The following DSCAM variants were observed in gnomAD, a reference collection of about 807,000 sequenced individuals.
DSCAM encodes DS cell adhesion molecule.
A neutral mutation model predicts 217.7 loss-of-function variants in DSCAM; 47 were observed. That is an observed-to-expected ratio of 0.22 (90% CI 0.17 to 0.28). DSCAM has a LOEUF of 0.28. Among genes scored for constraint, DSCAM ranks in the 10% least tolerant of loss-of-function variants. The pLI is 1.00. For missense variants in DSCAM, 2,080 were observed against 2,618.3 expected (o/e 0.79, Z 4.49); for synonymous variants, 1,056 against 1,015.3 (o/e 1.04, Z -0.76).
intron 3 of DSCAM, among the ~76,000 whole-genome samples, chr21:40,504,076 A>G (rs569083058): frequency 6.6e-6 from 1 of 152,336 alleles, no homozygotes; most frequent in Admixed American, 6.5e-5. Context: ...ATGGGACACA[A>G]TATCTCACCG....
chr21:40,612,880 T>C (rs2089334789), intron 3 of DSCAM, among the ~76,000 whole-genome samples: 1 of 152,174 alleles, frequency 6.6e-6, no homozygotes, highest in Non-Finnish European at 1.5e-5. Context: ...GGGGAGATTG[T>C]TGTTTTCTCC....
At chr21:40,226,105 T>A (rs184449623) in intron 11 of DSCAM, among the ~76,000 whole-genome samples, 2 of 152,186 alleles carry the variant, frequency 1.3e-5, no homozygotes, top group Non-Finnish European at 2.9e-5. Context: ...TGTTGTACAA[T>A]TGGAGAAACT....
chr21:40,504,180 G>A (rs1389322482), intron 3 of DSCAM, among the ~76,000 whole-genome samples: 1 of 152,162 alleles, frequency 6.6e-6, no homozygotes, highest in Non-Finnish European at 1.5e-5. Flanking sequence ...GGAAAGAAGA[G>A]GGGAGGAGAA....
rs757926236 is a variant in DSCAM, at chr21:40,677,312, T to TG, written c.508+15497dup. Among the ~76,000 whole-genome samples the TG allele has an allele frequency of 2.6e-5, 4 of 151,758 alleles. 1 individual carries two copies. The highest frequency in any genetic ancestry group is 5.9e-5 in the Non-Finnish European group (4 of 67,902). ...GAAGGTTTCAAAATGCAATTTAGGT[T>TG]GAAAAAAAGGAAGACACGATCCAAC... On this transcript the variant is annotated intron_variant, in intron 3 of 32. Coordinates refer to ENST00000400454, the MANE Select transcript of DSCAM (RefSeq NM_001389.5).
intron 3 of DSCAM, among the ~76,000 whole-genome samples, chr21:40,553,602 AT>A (rs2076647357): frequency 6.6e-6 from 1 of 152,128 alleles, no homozygotes; most frequent in Non-Finnish European, 1.5e-5. Context: ...TATACCTTTA[AT>A]TTTTTAACCA....
chr21:40,371,205 G>C (rs2074894696), intron 3 of DSCAM, among the ~76,000 whole-genome samples: 1 of 152,076 alleles, frequency 6.6e-6, no homozygotes, highest in African/African-American at 2.4e-5. Flanking sequence ...TCCTAATGCT[G>C]TATATTCCAG....
At chr21:40,745,190 A>G (rs906461770) in intron 1 of DSCAM, among the ~76,000 whole-genome samples, 3 of 152,138 alleles carry the variant, frequency 2.0e-5, no homozygotes, top group African/African-American at 7.2e-5. Flanking sequence ...CCTCTATATA[A>G]TAGTAGTTCC....
At chr21:40,763,077 T>C (rs1194004226) in intron 1 of DSCAM, among the ~76,000 whole-genome samples, 1 of 152,132 alleles carries the variant, frequency 6.6e-6, no homozygotes, top group Non-Finnish European at 1.5e-5. Context: ...AACATAGCAT[T>C]GGAAGTTCTG....
rs138728015 is a variant in DSCAM at position 40,632,826 on chromosome 21, T to C, written c.508+59984A>G. Reference sequence around the variant, plus strand: ...GCCCAGCGCCACTGGAATGGAAAGATGGACGTGACCATGTGCGAATCCCTT... The same window carrying C: ...GCCCAGCGCCACTGGAATGGAAAGACGGACGTGACCATGTGCGAATCCCTT... On this transcript the variant is annotated intron_variant, in intron 3 of 32. Transcript: ENST00000400454. Among the ~76,000 whole-genome samples the C allele has an allele frequency of 2.2e-4, 33 of 152,332 alleles. No homozygotes were observed. In the East Asian group the frequency reaches 5.8e-3, roughly 27 times the overall value.
chr21:40,627,217 G>A (rs1297339953), intron 3 of DSCAM, among the ~76,000 whole-genome samples: 1 of 152,172 alleles, frequency 6.6e-6, no homozygotes, highest in Non-Finnish European at 1.5e-5. Context: ...GCAAATAGAA[G>A]TGAATGCAAA....
chr21:40,402,305 G>A (rs1040599542), intron 3 of DSCAM, among the ~76,000 whole-genome samples: 1 of 137,966 alleles, frequency 7.2e-6, no homozygotes, highest in African/African-American at 2.6e-5. Flanking sequence ...TCCTGACCTC[G>A]TGATCTGCCC....
chr21:40,249,191 G>C (rs745512008), intron 11 of DSCAM, among the ~76,000 whole-genome samples: 3 of 152,140 alleles, frequency 2.0e-5, no homozygotes, highest in Non-Finnish European at 4.4e-5. Flanking sequence ...AGTATTGTTG[G>C]ATATTAGCTG....
chr21:40,340,589 G>C (rs1048669326), intron 6 of DSCAM, among the ~76,000 whole-genome samples: 3 of 152,110 alleles, frequency 2.0e-5, no homozygotes, highest in African/African-American at 7.2e-5. Flanking sequence ...GGATTTCTGA[G>C]TCTGGTAAGA....
intron 3 of DSCAM, among the ~76,000 whole-genome samples, chr21:40,509,383 T>A (rs967182554): frequency 2.0e-5 from 3 of 152,254 alleles, no homozygotes; most frequent in African/African-American, 7.2e-5. Flanking sequence ...GACCCTTTTC[T>A]TTTACACTGG....
intron 15 of DSCAM, among the ~76,000 whole-genome samples, chr21:40,177,667 G>A (rs1044391734): frequency 2.6e-5 from 4 of 152,192 alleles, no homozygotes; most frequent in African/African-American, 7.2e-5. Context: ...CATTGTAGTG[G>A]TGTTTATACT....
intron 19 of DSCAM, among the ~76,000 whole-genome samples, chr21:40,131,070 T>C (rs541196850): frequency 6.6e-6 from 1 of 152,336 alleles, no homozygotes; most frequent in East Asian, 1.9e-4. Flanking sequence ...CAAATGTTGG[T>C]AATTATTATT....
intron 26 of DSCAM, among the ~76,000 whole-genome samples, chr21:40,075,828 G>A (rs942834001): frequency 2.6e-5 from 4 of 152,246 alleles, no homozygotes; most frequent in Admixed American, 6.5e-5. Flanking sequence ...TTTTGATCAG[G>A]CATGGTTAAA....
At chr21:40,740,811 G>T (rs1204284486) in intron 1 of DSCAM, among the ~76,000 whole-genome samples, 4 of 152,240 alleles carry the variant, frequency 2.6e-5, no homozygotes, top group African/African-American at 9.6e-5. Context: ...AAGTGGCACA[G>T]TTCTGAAATA....
intron 3 of DSCAM, among the ~76,000 whole-genome samples, chr21:40,546,021 C>A (rs1362999060): frequency 1.3e-5 from 2 of 152,160 alleles, no homozygotes; most frequent in Admixed American, 1.3e-4. Context: ...GTAACCTGGT[C>A]GTAATACTTA....
Sources: gnomAD v4.1 joint callset for allele counts (sites outside exome capture counted in the v4.1 genomes callset) on GRCh38, gnomAD v4.1.1 for gene constraint, MANE v1.5 for transcripts, NCBI Gene and HGNC (gene_info 2026-07-23, HGNC 2026-07-21) for gene names.